The following MAPK10 variants were observed in gnomAD, a reference collection of about 807,000 sequenced individuals.
MAPK10 encodes mitogen-activated protein kinase 10.
In MAPK10, 25 loss-of-function variants were observed where a neutral mutation model predicts 59.3. That is an observed-to-expected ratio of 0.42 (90% confidence interval 0.31 to 0.59). The LOEUF is 0.59. Among genes scored for constraint, MAPK10 ranks in the 20% least tolerant of loss-of-function variants. The pLI is 0.15. For missense variants in MAPK10, 351 were observed against 568.9 expected, an observed-to-expected ratio of 0.62 and a Z score of 3.90; for synonymous variants, 190 against 200.5, an observed-to-expected ratio of 0.95 and a Z score of 0.44.
intron 4 of MAPK10, among the ~76,000 whole-genome samples, chr4:86,130,702 T>C (rs1489256769): frequency 2.0e-5 from 3 of 152,148 alleles, no homozygotes; most frequent in Non-Finnish European, 4.4e-5. Flanking sequence ...TCATTTCTGA[T>C]AGACTTTAGT....
intron 2 of MAPK10, among the ~76,000 whole-genome samples, chr4:86,320,799 T>C (rs2095873995): frequency 2.6e-5 from 4 of 152,180 alleles, no homozygotes; most frequent in African/African-American, 9.7e-5. Context: ...GGTCTAACGT[T>C]TAAGTCTTTA....
At chr4:86,560,858 T>C (rs957420968) in intron 1 of MAPK10, among the ~76,000 whole-genome samples, 4 of 152,246 alleles carry the variant, frequency 2.6e-5, no homozygotes, top group Non-Finnish European at 4.4e-5. Flanking sequence ...TGATGAAATA[T>C]ATTTAATGAG....
chr4:86,167,318 A>G (rs1290978668), intron 3 of MAPK10, among the ~76,000 whole-genome samples: 1 of 152,212 alleles, frequency 6.6e-6, no homozygotes, highest in East Asian at 1.9e-4. Context: ...ATTCCTTCTG[A>G]AACTATTCCA....
intron 11 of MAPK10, among the ~76,000 whole-genome samples, chr4:86,037,035 T>A (rs1317194075): frequency 6.6e-6 from 1 of 152,196 alleles, no homozygotes; most frequent in Non-Finnish European, 1.5e-5. Flanking sequence ...TTCCATTTTC[T>A]CTATTTTTAG....
intron 1 of MAPK10, among the ~76,000 whole-genome samples, chr4:86,504,373 A>G (rs940071281): frequency 6.6e-6 from 1 of 152,140 alleles, no homozygotes; most frequent in Non-Finnish European, 1.5e-5. Context: ...AAAGTAACGT[A>G]AAGGGGTCTG....
chr4:86,592,829 G>T (rs1489165003), intron 1 of MAPK10, among the ~76,000 whole-genome samples: 1 of 152,178 alleles, frequency 6.6e-6, no homozygotes, highest in Non-Finnish European at 1.5e-5. Context: ...ATAAACTGAG[G>T]AATCCAGCCC....
chr4:86,457,123 A>C (rs1488385892), upstream of MAPK10, among the ~76,000 whole-genome samples: 1 of 152,184 alleles, frequency 6.6e-6, no homozygotes, highest in Non-Finnish European at 1.5e-5. Flanking sequence ...TATGATTAAA[A>C]CTCTTAGCAA....
chr4:86,033,209 G>A (rs2039458879), intron 11 of MAPK10, among the ~76,000 whole-genome samples: 1 of 152,236 alleles, frequency 6.6e-6, no homozygotes, highest in South Asian at 2.1e-4. Context: ...CTACCACAAA[G>A]CCAAACTCTG....
intron 11 of MAPK10, among the ~76,000 whole-genome samples, chr4:86,045,073 A>G (rs1374410323): frequency 2.6e-5 from 4 of 152,086 alleles, no homozygotes; most frequent in Non-Finnish European, 5.9e-5. Context: ...TATGATCTGA[A>G]CTGAGTGTAA....
chr4:86,344,562 G>A (rs1010066750), intron 2 of MAPK10, among the ~76,000 whole-genome samples: 2 of 141,796 alleles, frequency 1.4e-5, no homozygotes, highest in East Asian at 2.5e-4. Context: ...GCAGCACCTG[G>A]TACAGAGTAA....
chr4:86,232,371 A>C (rs1046377413), intron 2 of MAPK10, among the ~76,000 whole-genome samples: 1 of 150,388 alleles, frequency 6.6e-6, no homozygotes, highest in Non-Finnish European at 1.5e-5. Context: ...GTATAATAGA[A>C]TCAATTTTTT....
intron 1 of MAPK10, among the ~76,000 whole-genome samples, chr4:86,443,586 T>A (rs1440163341): frequency 6.6e-6 from 1 of 151,234 alleles, no homozygotes; most frequent in East Asian, 1.9e-4. Context: ...ATCACAGGAC[T>A]ATTGAGCCCT....
chr4:86,365,195 G>T (rs1737641357), intron 1 of MAPK10, among the ~76,000 whole-genome samples: 1 of 151,656 alleles, frequency 6.6e-6, no homozygotes, highest in South Asian at 2.1e-4. Context: ...ACTCTGGGAG[G>T]CCCAGGCAGG....
rs772090244 is a variant in MAPK10 at position 86,423,713 on chromosome 4, G to C, written c.-122+29317C>G. On this transcript the variant is annotated intron_variant, in intron 1 of 13. Transcript: ENST00000361569. Reference sequence around the variant, plus strand: ...ACCTATTGTGTGTTATGAGTACTAAGTAGCCTGGTTTCCCTGGAATGAGGG... The same window carrying C: ...ACCTATTGTGTGTTATGAGTACTAACTAGCCTGGTTTCCCTGGAATGAGGG... Among the ~76,000 whole-genome samples the C allele has an allele frequency of 1.8e-3, 260 of 148,276 alleles. 1 individual carries two copies. The highest frequency in any genetic ancestry group is 1.9e-3 in the Non-Finnish European group (131 of 67,458).
chr4:86,505,146 C>A (rs1027011276), intron 1 of MAPK10, among the ~76,000 whole-genome samples: 2 of 152,100 alleles, frequency 1.3e-5, no homozygotes, highest in Non-Finnish European at 2.9e-5. Context: ...GGCTAGCCAA[C>A]AGCACATTCT....
rs993753583 is a variant in MAPK10, at chr4:86,521,966, G to C, written c.-263+71944C>G. 2.0e-5 allele frequency among the ~76,000 whole-genome samples: 3 copies of C among 152,140 alleles called. No individual in the cohort carries two copies. In the South Asian group the frequency reaches 6.2e-4, roughly 32 times the overall value. ...TTCCCTTCCCCAAGGACCTCTGTGA[G>C]ATTAGGCCAGGAATGGCTTCCCTGG... is the stretch of plus-strand genomic sequence containing the variant. On this transcript the variant is annotated intron_variant, in intron 1 of 4. Coordinates refer to the MAPK10 transcript ENST00000502302.
chr4:86,413,452 A>G (rs1745458407), intron 1 of MAPK10, among the ~76,000 whole-genome samples: 2 of 152,204 alleles, frequency 1.3e-5, no homozygotes, highest in African/African-American at 4.8e-5. Flanking sequence ...GCTGTCAGAC[A>G]GGGACATTTA....
chr4:86,015,020 A>AC lies in MAPK10; in HGVS notation c.*2207_*2208insG, dbSNP rs1341324010. The AC allele has an allele frequency of 6.6e-6, 1 of 151,938 alleles. No individual in the cohort carries two copies. The highest frequency in any genetic ancestry group is 1.5e-5 in the Non-Finnish European group (1 of 67,984). The allele number at this position is 151,938 out of a possible 1,614,324, so 9.4% of individuals were successfully genotyped here. ...GAGGAGAAGTTTTTAAAAAAAAAAA[A>AC]AAAAAACAGGAATATGAAAGAGAGG... is the stretch of plus-strand genomic sequence containing the variant. On this transcript the variant is annotated 3_prime_UTR_variant, in exon 14 of 14. Transcript: ENST00000641462.
At chr4:86,451,291 C>T (rs1344109956) in intron 1 of MAPK10, among the ~76,000 whole-genome samples, 6 of 152,068 alleles carry the variant, frequency 3.9e-5, no homozygotes. Flanking sequence ...ACCCAGTATA[C>T]GAACAGCCTT....
Sources: allele counts gnomAD v4.1 joint callset (sites outside exome capture counted in the v4.1 genomes callset), GRCh38; gene constraint gnomAD v4.1.1; transcripts MANE v1.5; gene names NCBI Gene and HGNC (gene_info 2026-07-23, HGNC 2026-07-21).